Variants in RIMS2 observed in about 807,000 individuals in gnomAD.
RIMS2 encodes regulating synaptic membrane exocytosis protein 2.
Under a neutral mutation model 174.4 loss-of-function variants are expected in RIMS2, and 59 were observed. The observed-to-expected ratio is 0.34, with a 90% CI of 0.27 to 0.42. The LOEUF (loss-of-function observed/expected upper bound fraction) is 0.42, where lower values mean the gene tolerates loss of function less well. Among genes scored for constraint, RIMS2 ranks in the 10% least tolerant of loss-of-function variants. RIMS2 has a pLI of 1.00. For missense variants in RIMS2, 1,620 were observed against 1,666.3 expected, an observed-to-expected ratio of 0.97 and a Z score of 0.48; for synonymous variants, 606 against 572.5, an observed-to-expected ratio of 1.06 and a Z score of -0.84.
In RIMS2 at chr8:104,013,635, C is replaced by A; in HGVS notation, c.3224+14C>A. 6.2e-7 allele frequency: 1 copy of A among 1,609,122 alleles called. No homozygotes were observed. Among genetic ancestry groups the A allele is most frequent in the Non-Finnish European group, 8.5e-7 (1 of 1,176,140 alleles). ...TGCCTTATCGAGGTGAAAGATAAAT[C>A]AATCAGACTAATTTCCCCTTTGCCC... is the stretch of plus-strand genomic sequence containing the variant. On this transcript the variant is annotated intron_variant, in intron 18 of 23. Coordinates refer to ENST00000504942, the Ensembl canonical transcript of RIMS2.
At chr8:103,607,047 A>T (rs1371638969) in intron 1 of RIMS2, among the ~76,000 whole-genome samples, 3 of 151,060 alleles carry the variant, frequency 2.0e-5, no homozygotes, top group South Asian at 2.1e-4. Flanking sequence ...TGTCGTTATG[A>T]TGTTAGCTGG....
At chr8:104,196,783 C>G (rs964931816) in intron 19 of RIMS2, among the ~76,000 whole-genome samples, 3 of 136,078 alleles carry the variant, frequency 2.2e-5, no homozygotes, top group Non-Finnish European at 1.6e-5. Context: ...TAACAAATAT[C>G]CATATTTAAT....
chr8:103,900,302 C>T (rs556390178), intron 4 of RIMS2, among the ~76,000 whole-genome samples: 2 of 151,830 alleles, frequency 1.3e-5, no homozygotes, highest in African/African-American at 4.9e-5. Context: ...CAGCTCACTA[C>T]AGTCTCCACC....
At chr8:103,884,064 T>G (rs945992658) in intron 3 of RIMS2, among the ~76,000 whole-genome samples, 39 of 151,826 alleles carry the variant, frequency 2.6e-4, no homozygotes, top group African/African-American at 8.7e-4. Flanking sequence ...TAGACTAACT[T>G]CTGTTTTCGT....
At chr8:103,540,439 A>G (rs1353498076) in intron 1 of RIMS2, among the ~76,000 whole-genome samples, 1 of 152,162 alleles carries the variant, frequency 6.6e-6, no homozygotes, top group South Asian at 2.1e-4. Flanking sequence ...GAGACAACAT[A>G]GCGGCACCCT....
At chr8:103,675,925 A>G (rs2096804158) in intron 1 of RIMS2, among the ~76,000 whole-genome samples, 1 of 152,182 alleles carries the variant, frequency 6.6e-6, no homozygotes, top group Non-Finnish European at 1.5e-5. Context: ...CTAAGCAATT[A>G]TTAGTTAAGC....
intron 2 of RIMS2, among the ~76,000 whole-genome samples, chr8:103,752,257 T>C (rs1376445035): frequency 6.6e-6 from 1 of 152,112 alleles, no homozygotes; most frequent in East Asian, 1.9e-4. Context: ...GATCAGATAG[T>C]TGTAGATATG....
chr8:104,251,568 A>G (rs951472957), intron 23 of RIMS2, 34 bp from the exon 30 acceptor site: 4 of 1,096,858 alleles, frequency 3.6e-6, no homozygotes, highest in Non-Finnish European at 5.7e-6. Flanking sequence ...ACACAGTTAC[A>G]CTGACATCAC....
intron 2 of RIMS2, among the ~76,000 whole-genome samples, chr8:103,731,858 T>C (rs1171632852): frequency 1.3e-5 from 2 of 152,228 alleles, no homozygotes; most frequent in Non-Finnish European, 2.9e-5. Flanking sequence ...TTCTCCATGT[T>C]ATCTTGAATT....
chr8:104,217,965 A>T (rs1429323643), intron 19 of RIMS2, among the ~76,000 whole-genome samples: 1 of 152,228 alleles, frequency 6.6e-6, no homozygotes, highest in Non-Finnish European at 1.5e-5. Flanking sequence ...AAACCAAACC[A>T]AAATATATCC....
At chr8:103,919,809 A>T (rs1040669331) in intron 9 of RIMS2, among the ~76,000 whole-genome samples, 2 of 152,174 alleles carry the variant, frequency 1.3e-5, no homozygotes, top group African/African-American at 4.8e-5. Context: ...ATCTTTGGCT[A>T]CGTGCTAAAT....
At chr8:103,710,907 G>T (rs1048934005) in intron 2 of RIMS2, among the ~76,000 whole-genome samples, 3 of 152,080 alleles carry the variant, frequency 2.0e-5, no homozygotes, top group African/African-American at 7.2e-5. Flanking sequence ...CAATTTGGGG[G>T]TTGTTTCTCT....
intron 1 of RIMS2, among the ~76,000 whole-genome samples, chr8:103,577,827 G>A (rs1162124272): frequency 1.3e-5 from 2 of 152,122 alleles, no homozygotes; most frequent in African/African-American, 2.4e-5. Flanking sequence ...AAACTCATTA[G>A]AGGCTCTCAA....
chr8:104,215,577 T>C (rs2099126284), intron 19 of RIMS2, among the ~76,000 whole-genome samples: 2 of 152,244 alleles, frequency 1.3e-5, no homozygotes, highest in Admixed American at 1.3e-4. Context: ...AATCTCAAAG[T>C]GCTGTTCATC....
intron 13 of RIMS2, among the ~76,000 whole-genome samples, chr8:103,940,378 G>A (rs1038363842): frequency 6.6e-6 from 1 of 152,124 alleles, no homozygotes; most frequent in Admixed American, 6.5e-5. Context: ...AGAGCAGCAC[G>A]AGAAAGACCC....
chr8:103,581,040 G>A (rs756493648), intron 1 of RIMS2, among the ~76,000 whole-genome samples: 2 of 151,538 alleles, frequency 1.3e-5, no homozygotes, highest in East Asian at 1.9e-4. Flanking sequence ...CTGTGGTCTC[G>A]ATCTCCTGAC....
At chr8:104,025,156 T>C (rs766577989) in intron 19 of RIMS2, among the ~76,000 whole-genome samples, 11 of 151,966 alleles carry the variant, frequency 7.2e-5, no homozygotes, top group Non-Finnish European at 1.5e-4. Flanking sequence ...AAATCTACTT[T>C]TTAAAATAAC....
chr8:104,047,204 T>C (rs2096710613), intron 19 of RIMS2, among the ~76,000 whole-genome samples: 1 of 147,698 alleles, frequency 6.8e-6, no homozygotes, highest in African/African-American at 2.4e-5. Flanking sequence ...TGCAACATTT[T>C]TTAGTTCTTT....
At chr8:104,059,170 T>C (rs2096929804) in intron 19 of RIMS2, among the ~76,000 whole-genome samples, 1 of 151,706 alleles carries the variant, frequency 6.6e-6, no homozygotes, top group South Asian at 2.1e-4. Context: ...AGTATGGCCA[T>C]TTTCATGATA....
Sources: gnomAD v4.1 joint callset for allele counts (sites outside exome capture counted in the v4.1 genomes callset) on GRCh38, gnomAD v4.1.1 for gene constraint, MANE v1.5 for transcripts, NCBI Gene and HGNC (gene_info 2026-07-23, HGNC 2026-07-21) for gene names.